KIF3C: variants seen among roughly 807,000 people sequenced by gnomAD.
The protein encoded by KIF3C is kinesin-like protein KIF3C.
A neutral mutation model predicts 67.7 loss-of-function variants in KIF3C; 12 were observed. That is an observed-to-expected ratio of 0.18 (90% CI 0.11 to 0.29). The LOEUF (loss-of-function observed/expected upper bound fraction) is 0.29. Ranked by LOEUF, KIF3C falls within the 10% of genes least tolerant of loss-of-function variation. KIF3C has a pLI of 1.00. For synonymous variants in KIF3C, 393 were observed against 426.2 expected (o/e 0.92, Z 0.96); for missense variants, 789 against 1,059.6 (o/e 0.74, Z 3.55).
intron 5 of KIF3C, among the ~76,000 whole-genome samples, chr2:25,939,358 T>TTTC (rs911575697): frequency 1.1e-4 from 17 of 152,246 alleles, no homozygotes; most frequent in Middle Eastern, 3.4e-3. Flanking sequence ...ACAGTCAGGC[T>TTTC]TTCCTCTTCG....
chr2:25,972,137 T>A (rs1397890906), intron 1 of KIF3C, among the ~76,000 whole-genome samples: 2 of 152,042 alleles, frequency 1.3e-5, no homozygotes, highest in Non-Finnish European at 2.9e-5. Flanking sequence ...CCTCTCTATC[T>A]GAATTCCAGG....
Position 25,940,798 on chromosome 2 carries a change from G to A in KIF3C, c.2007-10735C>T, listed in dbSNP as rs555054839. On this transcript the variant is annotated intron_variant, in intron 5 of 7. Coordinates refer to ENST00000264712, the MANE Select transcript of KIF3C (RefSeq NM_002254.8). Reference sequence around the variant, plus strand: ...CCTCTGGGTAGCTGGGATTATAGGCGCCCACTACCACACGCGGCTAGTTTT... The same window carrying A: ...CCTCTGGGTAGCTGGGATTATAGGCACCCACTACCACACGCGGCTAGTTTT... 4.6e-5 allele frequency among the ~76,000 whole-genome samples: 7 copies of A among 151,158 alleles called. No individual in the cohort carries two copies. The South Asian group carries it at 6.3e-4, about 14-fold the overall frequency.
At position 25,929,353 on chromosome 2, in the gene KIF3C, C is replaced by T. The variant is rs1402965239; in HGVS notation, c.2240G>A (p.Ser747Asn). 6.2e-7 allele frequency: 1 copy of T among 1,614,050 alleles called. No individual in the cohort carries two copies. Among genetic ancestry groups the T allele is most frequent in the Non-Finnish European group, 8.5e-7 (1 of 1,180,022 alleles). ...AGACGTGGAAGGTCTTTCCAGAAAG[C>T]TGTCCAATCGCATGAGCCTCTCCAT... ...LHMERLMRLD[S>N]FLERPSTSKV... Residue 747 changes from serine (S) to asparagine (N), a missense_variant, in exon 7 of 8, where the codon AGC (serine) becomes AAC (asparagine). By Grantham distance (46) the Ser-to-Asn change is conservative. This residue lies in a region of KIF3C where 648 missense variants were observed against 807.8 expected (regional missense o/e 0.80). Transcript: ENST00000264712.
chr2:25,976,558 G>A (rs1036020951), intron 1 of KIF3C, among the ~76,000 whole-genome samples: 2 of 152,018 alleles, frequency 1.3e-5, no homozygotes, highest in Non-Finnish European at 2.9e-5. Context: ...TCAGGAGATC[G>A]AGACCAGCCT....
rs1170195211 is a variant in KIF3C at position 25,951,706 on chromosome 2, G to A, written c.2006+83C>T. 3 of 832,544 alleles carry A rather than the reference G, an allele frequency of 3.6e-6. No individual in the cohort carries two copies. In the East Asian group the frequency reaches 7.3e-5, roughly 20 times the overall value. 51.6% of individuals were successfully genotyped at this position (832,544 alleles called of 1,614,324 possible). ...CCACAAAACATCTGTCTCCCTGCAG[G>A]CAAGGCCTCAGGCCCCTCACCAGCC... On this transcript the variant is annotated intron_variant, in intron 5 of 7. Coordinates refer to ENST00000264712, the MANE Select transcript of KIF3C (RefSeq NM_002254.8).
At chr2:25,963,053 T>A (rs190958559) in intron 1 of KIF3C, among the ~76,000 whole-genome samples, 1 of 80,272 alleles carries the variant, frequency 1.2e-5, no homozygotes, top group Non-Finnish European at 2.2e-5. Flanking sequence ...TATATAAATA[T>A]ATAAATATAT....
intron 7 of KIF3C, 80 bp downstream of exon 7, chr2:25,929,225 A>G: frequency 6.6e-7 from 1 of 1,524,554 alleles, no homozygotes; most frequent in Non-Finnish European, 9.0e-7. Context: ...TACCAGCAAA[A>G]CCCTCTTTAG....
In KIF3C at chr2:25,958,720, G is replaced by A. The variant is rs984011457; in HGVS notation, c.1546-2276C>T. On this transcript the variant is annotated intron_variant, in intron 1 of 7. Coordinates refer to ENST00000264712, the MANE Select transcript of KIF3C (RefSeq NM_002254.8). The surrounding 1 kb of genome is among the most constrained non-coding windows in gnomAD (Gnocchi z 4.5). ...GCCCCGGGAGCTGGCCTGGCCTCCCGGTTCCTCTTACTATTCATGCTCTGC... is the reference window on the plus strand; with the variant it reads ...GCCCCGGGAGCTGGCCTGGCCTCCCAGTTCCTCTTACTATTCATGCTCTGC... Among the ~76,000 whole-genome samples the A allele has an allele frequency of 6.6e-6, 1 of 152,176 alleles. No homozygotes were observed. The highest frequency in any genetic ancestry group is 2.4e-5 in the African/African-American group (1 of 41,440).
At chr2:25,930,473 G>A (rs188961222) in intron 5 of KIF3C, among the ~76,000 whole-genome samples, 134 of 152,092 alleles carry the variant, frequency 8.8e-4, no homozygotes, top group East Asian at 5.8e-4. Context: ...ATTCTCCTGC[G>A]TCAGCCTCCC....
At chr2:25,968,496 C>T (rs895694805) in intron 1 of KIF3C, among the ~76,000 whole-genome samples, 1 of 152,176 alleles carries the variant, frequency 6.6e-6, no homozygotes, top group Non-Finnish European at 1.5e-5. Flanking sequence ...CAGATCAATG[C>T]TTATCTTCAC....
intron 1 of KIF3C, among the ~76,000 whole-genome samples, chr2:25,969,565 A>C (rs1664227245): frequency 6.6e-6 from 1 of 152,194 alleles, no homozygotes; most frequent in South Asian, 2.1e-4. Flanking sequence ...TAAAGTGAAA[A>C]ATAAAAATTC....
At chr2:25,949,464 G>T (rs1663540934) in intron 5 of KIF3C, among the ~76,000 whole-genome samples, 1 of 151,906 alleles carries the variant, frequency 6.6e-6, no homozygotes. Flanking sequence ...GACCACATGA[G>T]CCTGGGGAGG....
rs1663792806 is a variant in KIF3C at position 25,955,791 on chromosome 2, C to T, written c.1648-128G>A. 1 of 1,064,518 alleles carries T rather than the reference C, an allele frequency of 9.4e-7. No homozygotes were observed. Among genetic ancestry groups the T allele is most frequent in the African/African-American group, 1.6e-5 (1 of 63,498 alleles). 65.9% of individuals were successfully genotyped at this position (1,064,518 alleles called of 1,614,324 possible). Reference sequence around the variant, plus strand: ...TTCACCATGGCCCATGGCCCACATCCACTGCTCCCACCCAATCCTGCAGAG... The same window carrying T: ...TTCACCATGGCCCATGGCCCACATCTACTGCTCCCACCCAATCCTGCAGAG... On this transcript the variant is annotated intron_variant, in intron 2 of 7. Coordinates refer to ENST00000264712, the MANE Select transcript of KIF3C (RefSeq NM_002254.8). This position sits in a 1 kb window ranked among gnomAD's most constrained non-coding sequence, Gnocchi z 5.0.
chr2:25,947,488 G>A (rs1466820357), intron 5 of KIF3C, among the ~76,000 whole-genome samples: 1 of 151,788 alleles, frequency 6.6e-6, no homozygotes, highest in Admixed American at 6.6e-5. Context: ...GGCTGAGGCA[G>A]GAGAATGGCG....
intron 5 of KIF3C, among the ~76,000 whole-genome samples, chr2:25,931,514 G>A (rs189427153): frequency 3.3e-5 from 5 of 152,202 alleles, no homozygotes; most frequent in Admixed American, 2.6e-4. Flanking sequence ...GATAAGTGGA[G>A]ACTACTGTGT....
At chr2:25,951,377 T>C (rs1663607973) in intron 5 of KIF3C, 1 of 174,376 alleles carries the variant, frequency 5.7e-6, no homozygotes, top group East Asian at 1.6e-4. Flanking sequence ...ATTTATCTTC[T>C]GTCTCCTGAG....
chr2:25,947,697 T>G (rs1174741845), intron 5 of KIF3C, among the ~76,000 whole-genome samples: 1 of 152,160 alleles, frequency 6.6e-6, no homozygotes, highest in Admixed American at 6.5e-5. Context: ...ATACAAACCA[T>G]TTTAACCCTC....
rs1325643369 is a variant in KIF3C at position 25,928,890 on chromosome 2, C to T, written c.*88G>A. 1.5e-5 allele frequency: 16 copies of T among 1,102,452 alleles called. No individual in the cohort carries two copies. The highest frequency in any genetic ancestry group is 2.0e-5 in the Non-Finnish European group (15 of 738,944). The allele number at this position is 1,102,452 out of a possible 1,614,324, so 68.3% of individuals were successfully genotyped here. A position where few individuals can be genotyped will look rare whatever the true frequency, so the allele number is the denominator to read the frequency against. Reference sequence around the variant, plus strand: ...ACGCACACGCACATGCACGCACACGCACACGCACCAAGCGGCAGATGAGAT... The same window carrying T: ...ACGCACACGCACATGCACGCACACGTACACGCACCAAGCGGCAGATGAGAT... On this transcript the variant is annotated 3_prime_UTR_variant, in exon 8 of 8. Coordinates refer to ENST00000264712, the MANE Select transcript of KIF3C (RefSeq NM_002254.8).
At chr2:25,942,415 A>AATT (rs1553713885) in intron 5 of KIF3C, among the ~76,000 whole-genome samples, 1 of 146,018 alleles carries the variant, frequency 6.8e-6, no homozygotes, top group African/African-American at 2.6e-5. Flanking sequence ...GCAAAAAAAA[A>AATT]TTTTTTTTTT....
Sources: allele counts gnomAD v4.1 joint callset (sites outside exome capture counted in the v4.1 genomes callset), GRCh38; gene constraint gnomAD v4.1.1; regional missense constraint gnomAD v4.1.1; non-coding constraint Gnocchi (gnomAD v3.1); transcripts MANE v1.5; gene names NCBI Gene and HGNC (gene_info 2026-07-23, HGNC 2026-07-21).